The following PLAAT5 variants were observed in gnomAD, a reference collection of about 807,000 sequenced individuals.
PLAAT5 encodes the protein phospholipase A and acyltransferase 5.
PLAAT5 carries 27 observed loss-of-function variants against 27.8 expected under a neutral mutation model. That is an observed-to-expected ratio of 0.97 (90% confidence interval 0.72 to 1.34). The LOEUF is 1.34. Ranked by LOEUF, PLAAT5 falls within the 40% of genes most tolerant of loss-of-function variation. The pLI is 0.00. For missense variants in PLAAT5, 368 were observed against 343.8 expected (o/e 1.07, Z -0.56); for synonymous variants, 125 against 136.1 (o/e 0.92, Z 0.57).
At chr11:63,466,555 G>GC (rs1455128164) in intron 4 of PLAAT5, among the ~76,000 whole-genome samples, 183 bp from the exon 5 acceptor site, 1 of 152,108 alleles carries the variant, frequency 6.6e-6, no homozygotes, top group Admixed American at 6.6e-5. Context: ...GAAGCCCTTT[G>GC]CCCTGCGCCT....
chr11:63,483,823 A>ATATATG (rs1222300742), intron 3 of PLAAT5, among the ~76,000 whole-genome samples: 2 of 115,374 alleles, frequency 1.7e-5, no homozygotes, highest in African/African-American at 3.0e-5. Flanking sequence ...ATATATATAT[A>ATATATG]TATATATATA....
chr11:63,483,786 T>C (rs12271273), intron 3 of PLAAT5, among the ~76,000 whole-genome samples: 1 of 52,338 alleles, frequency 1.9e-5, no homozygotes, highest in Admixed American at 2.7e-4. Context: ...AAAAAAAAAA[T>C]ATATATATAT....
intron 3 of PLAAT5, among the ~76,000 whole-genome samples, chr11:63,473,104 C>A (rs1590613531): frequency 2.0e-5 from 3 of 151,328 alleles, no homozygotes; most frequent in African/African-American, 7.3e-5. Context: ...GGTGACAGAG[C>A]AAGACTCTGC....
chr11:63,477,762 A>C (rs559691527), intron 3 of PLAAT5, among the ~76,000 whole-genome samples: 1 of 152,052 alleles, frequency 6.6e-6, no homozygotes, highest in Non-Finnish European at 1.5e-5. Flanking sequence ...CGTGAGCCAC[A>C]GTGCCCGGCT....
chr11:63,490,114 C>G (rs914440576), intron 2 of PLAAT5, 129 bp downstream of exon 2: 2 of 1,232,758 alleles, frequency 1.6e-6, no homozygotes, highest in Middle Eastern at 1.9e-4. Context: ...CCAGCCTTCC[C>G]CTTGCTGGGT....
At position 63,490,948 on chromosome 11, in the gene PLAAT5, G is replaced by A. The variant is rs756720303; in HGVS notation, c.87C>T (p.Thr29=). 3.6e-5 allele frequency: 58 copies of A among 1,598,128 alleles called. No homozygotes were observed. The highest frequency in any genetic ancestry group is 4.6e-5 in the Non-Finnish European group (54 of 1,172,750). The part of the protein sequence containing the change: ...PPPLPKPASR[T]ASTGPKDQPP... ...GCTGGTCCTTGGGCCCGGTACTGGC[G>A]GTTCGCGAGGCGGGTTTGGGGAGGG... Residue 29 remains threonine, a synonymous_variant, in exon 1 of 6, where the codon ACC becomes ACT. Transcript: ENST00000540857.
rs2015919778 is a variant in PLAAT5 at position 63,468,369 on chromosome 11, G to T, written c.442C>A (p.Leu148Met). 2 of 1,612,682 alleles carry T rather than the reference G, an allele frequency of 1.2e-6. No homozygotes were observed. The highest frequency in any genetic ancestry group is 2.7e-5 in the African/African-American group (2 of 75,016). Residue 148 changes from leucine (L) to methionine (M), a missense_variant, in exon 4 of 6, where the codon CTG becomes ATG. By Grantham distance (15) the Leu-to-Met change is conservative (BLOSUM62 2). Coordinates refer to ENST00000540857, the MANE Select transcript of PLAAT5 (RefSeq NM_001146729.2). ...TATTCACTCTTACTTGGGGGAGCCAGATGGACCACGCAATCATCTTCTACA... is the reference window on the plus strand; with the variant it reads ...TATTCACTCTTACTTGGGGGAGCCATATGGACCACGCAATCATCTTCTACA... ...IYVEDDCVVH[L>M]APPSEEFEVG...
At position 63,463,495 on chromosome 11, in the gene PLAAT5, C is replaced by T; in HGVS notation, c.*8G>A. On this transcript the variant is annotated 3_prime_UTR_variant, in exon 6 of 6. Transcript: ENST00000540857. Reference sequence around the variant, plus strand: ...TAACTCTTCCTCTAGCTGGAGTTTTCATCACCTTCAGGCAGTTATTGGTTT... The same window carrying T: ...TAACTCTTCCTCTAGCTGGAGTTTTTATCACCTTCAGGCAGTTATTGGTTT... 5.0e-6 allele frequency: 8 copies of T among 1,606,890 alleles called. No individual in the cohort carries two copies. Among genetic ancestry groups the T allele is most frequent in the Non-Finnish European group, 6.8e-6 (8 of 1,174,060 alleles).
At chr11:63,483,812 T>TAGATACAC (rs2016357838) in intron 3 of PLAAT5, among the ~76,000 whole-genome samples, 1 of 97,352 alleles carries the variant, frequency 1.0e-5, no homozygotes, top group African/African-American at 4.0e-5. Flanking sequence ...TATATATATA[T>TAGATACAC]ATATATATAT....
intron 3 of PLAAT5, among the ~76,000 whole-genome samples, chr11:63,483,598 C>T (rs2016335506): frequency 8.1e-6 from 1 of 123,998 alleles, no homozygotes; most frequent in Non-Finnish European, 1.7e-5. Flanking sequence ...CTCAGTGACA[C>T]AGCAAAAGTG....
intron 3 of PLAAT5, among the ~76,000 whole-genome samples, chr11:63,486,376 C>G (rs371581023): frequency 6.6e-6 from 1 of 152,044 alleles, no homozygotes; most frequent in Non-Finnish European, 1.5e-5. Flanking sequence ...AATATGGAAC[C>G]AGCCTAAATG....
intron 3 of PLAAT5, among the ~76,000 whole-genome samples, chr11:63,484,642 C>G (rs2016391774): frequency 6.6e-6 from 1 of 152,050 alleles, no homozygotes; most frequent in Admixed American, 6.6e-5. Flanking sequence ...AGGGACAAAC[C>G]TCAAGGCAAT....
intron 3 of PLAAT5, among the ~76,000 whole-genome samples, chr11:63,483,784 A>AAATATATATATATATGTATATATATATAT (rs1397719113): frequency 1.5e-5 from 1 of 65,680 alleles, no homozygotes; most frequent in Non-Finnish European, 2.6e-5. Flanking sequence ...GCAAAAAAAA[A>AAATATATATATATATGTATATATATATAT]ATATATATAT....
At chr11:63,471,417 A>C (rs1565209829) in intron 3 of PLAAT5, among the ~76,000 whole-genome samples, 1 of 152,218 alleles carries the variant, frequency 6.6e-6, no homozygotes, top group Non-Finnish European at 1.5e-5. Flanking sequence ...TTTAATTCTC[A>C]AATTACTTCA....
intron 3 of PLAAT5, chr11:63,470,902 C>G (rs1405998041): frequency 6.6e-6 from 1 of 152,052 alleles, no homozygotes; most frequent in Non-Finnish European, 1.5e-5. Context: ...AGTATTTATT[C>G]TGAAGAAAAA....
At chr11:63,485,266 C>G (rs563710370) in intron 3 of PLAAT5, among the ~76,000 whole-genome samples, 1 of 152,026 alleles carries the variant, frequency 6.6e-6, no homozygotes, top group African/African-American at 2.4e-5. Flanking sequence ...ATTCACAGAA[C>G]TAGAATGAAA....
At chr11:63,488,654 CATT>C (rs1306552837) in intron 3 of PLAAT5, among the ~76,000 whole-genome samples, 1 of 150,558 alleles carries the variant, frequency 6.6e-6, no homozygotes, top group Non-Finnish European at 1.5e-5. Flanking sequence ...TTTATTAAAA[CATT>C]ATGAGACTTT....
intron 3 of PLAAT5, among the ~76,000 whole-genome samples, chr11:63,478,384 G>A (rs1047881733): frequency 2.0e-5 from 3 of 151,518 alleles, no homozygotes; most frequent in Non-Finnish European, 4.4e-5. Context: ...GCAGTGGCGC[G>A]ATCTCAGCTC....
At position 63,491,118 on chromosome 11, in the gene PLAAT5, G is replaced by A; in HGVS notation, c.-84C>T. 1.6e-6 allele frequency: 2 copies of A among 1,216,284 alleles called. No homozygotes were observed. Among genetic ancestry groups the A allele is most frequent in the Non-Finnish European group, 2.1e-6 (2 of 939,700 alleles). 75.3% of individuals were successfully genotyped at this position (1,216,284 alleles called of 1,614,324 possible). ...TTCCCAGTCGGCGCGGCCCCTGGTC[G>A]GCGGAGCCGCGGAAGCTTGGGCACT... On this transcript the variant is annotated 5_prime_UTR_variant, in exon 1 of 6. Coordinates refer to ENST00000540857, the MANE Select transcript of PLAAT5 (RefSeq NM_001146729.2).
Sources: allele counts gnomAD v4.1 joint callset (sites outside exome capture counted in the v4.1 genomes callset), GRCh38; gene constraint gnomAD v4.1.1; transcripts MANE v1.5; gene names NCBI Gene and HGNC (gene_info 2026-07-23, HGNC 2026-07-21).